The following DLGAP2 variants were observed in gnomAD, a reference collection of about 807,000 sequenced individuals.
The protein encoded by DLGAP2 is DLG associated protein 2, also known as disks large-associated protein 2.
A neutral mutation model predicts 100.3 loss-of-function variants in DLGAP2; 26 were observed. The observed-to-expected ratio is 0.26, with a 90% CI of 0.19 to 0.36. The LOEUF is 0.36. Ranked by LOEUF, DLGAP2 falls within the 10% of genes least tolerant of loss-of-function variation. The pLI, the probability that DLGAP2 is intolerant of heterozygous loss-of-function variation, is 1.00. For synonymous variants in DLGAP2, 886 were observed against 630.1 expected (o/e 1.41, Z -6.08); for missense variants, 1,858 against 1,453.2 (o/e 1.28, Z -4.53).
intron 2 of DLGAP2, among the ~76,000 whole-genome samples, chr8:997,996 C>T (rs1443839556): frequency 2.7e-5 from 4 of 150,100 alleles, no homozygotes; most frequent in Non-Finnish European, 5.9e-5. Flanking sequence ...AACACGTGCA[C>T]ACAAACATGC....
intron 2 of DLGAP2, among the ~76,000 whole-genome samples, chr8:1,027,612 G>A (rs1234774358): frequency 6.7e-5 from 10 of 148,930 alleles, no homozygotes; most frequent in Admixed American, 2.7e-4. Flanking sequence ...TTATTCTCCA[G>A]GTGGGGTGTC....
chr8:1,221,258 C>T (rs1215529298), intron 2 of DLGAP2, among the ~76,000 whole-genome samples: 1 of 152,158 alleles, frequency 6.6e-6, no homozygotes, highest in African/African-American at 2.4e-5. Context: ...CCATGTCTAC[C>T]AGTCCCTTTA....
chr8:1,587,830 C>T (rs1796170932), intron 6 of DLGAP2, among the ~76,000 whole-genome samples: 2 of 152,014 alleles, frequency 1.3e-5, no homozygotes, highest in Admixed American at 1.3e-4. Context: ...AAATAAAATA[C>T]CATGATTTTT....
intron 1 of DLGAP2, among the ~76,000 whole-genome samples, chr8:776,722 T>A (rs532929957): frequency 6.6e-6 from 1 of 152,356 alleles, no homozygotes; most frequent in Admixed American, 6.5e-5. Context: ...AGATAGTTTC[T>A]TATAATTTCT....
chr8:1,616,516 C>T (rs2977210), intron 6 of DLGAP2, among the ~76,000 whole-genome samples: 33,221 of 152,030 alleles, frequency 0.22, 4,494 homozygotes, highest in East Asian at 0.46. Flanking sequence ...AAACAGAAAC[C>T]AGAGGAATAA....
intron 3 of DLGAP2, among the ~76,000 whole-genome samples, chr8:1,392,620 A>T (rs1253311092): frequency 6.6e-6 from 1 of 152,286 alleles, no homozygotes; most frequent in South Asian, 2.1e-4. Context: ...CTGTGACCCT[A>T]CATGGTGTGG....
At position 1,076,587 on chromosome 8, in the gene DLGAP2, G is replaced by A. The variant is rs1285004821; in HGVS notation, c.73+168621G>A. On this transcript the variant is annotated intron_variant, in intron 2 of 14. Coordinates refer to ENST00000637795, the MANE Select transcript of DLGAP2 (RefSeq NM_001346810.2). ...CAGCCCCTCTCTTGAGCCGCCTTCCGTTTTCACTTGTGAATGACGTTAGAA... is the reference window on the plus strand; with the variant it reads ...CAGCCCCTCTCTTGAGCCGCCTTCCATTTTCACTTGTGAATGACGTTAGAA... Among the ~76,000 whole-genome samples the A allele has an allele frequency of 3.9e-5, 6 of 152,234 alleles. No homozygotes were observed. In the South Asian group the frequency reaches 8.3e-4, roughly 21 times the overall value.
chr8:1,164,686 A>T (rs545031849), intron 2 of DLGAP2, among the ~76,000 whole-genome samples: 1 of 152,120 alleles, frequency 6.6e-6, no homozygotes, highest in African/African-American at 2.4e-5. Flanking sequence ...CATTCTCTGG[A>T]TCTCCATCGT....
chr8:1,635,493 CAT>C (rs1797745436), intron 8 of DLGAP2, among the ~76,000 whole-genome samples: 1 of 152,236 alleles, frequency 6.6e-6, no homozygotes, highest in South Asian at 2.1e-4. Flanking sequence ...TCCATGTATA[CAT>C]GTGTGTATGT....
In DLGAP2 at chr8:856,187, T is replaced by TCTTCTTC. The variant is rs1554433991; in HGVS notation, c.19-51725_19-51724insCTTCTTC. ...AGTGGAAAAATCTTCTTCTTCTTCTTTTTTTTTTTTTTTTTTTTGAGATGG... is the reference window on the plus strand; with the variant it reads ...AGTGGAAAAATCTTCTTCTTCTTCTTCTTCTTCTTTTTTTTTTTTTTTTTTGAGATGG... On this transcript the variant is annotated intron_variant, in intron 1 of 14. Coordinates refer to ENST00000637795, the MANE Select transcript of DLGAP2 (RefSeq NM_001346810.2). 2.9e-3 allele frequency among the ~76,000 whole-genome samples: 149 copies of TCTTCTTC among 51,580 alleles called. 2 individuals carry two copies. The highest frequency in any genetic ancestry group is 3.7e-3 in the East Asian group (3 of 808). 33.8% of individuals were successfully genotyped at this position (51,580 alleles called of 152,430 possible). A position where few individuals can be genotyped will look rare whatever the true frequency, so the allele number is the denominator to read the frequency against.
At position 1,448,818 on chromosome 8, in the gene DLGAP2, G is replaced by A. The variant is rs1032552507; in HGVS notation, c.107-52548G>A. Among the ~76,000 whole-genome samples, 3 of 152,136 alleles carry A rather than the reference G, an allele frequency of 2.0e-5. No homozygotes were observed. The South Asian group carries it at 6.2e-4, about 31-fold the overall frequency. ...AATGCATGACATCAATCATTGCCCT[G>A]ATCCGGCCATGGAAAGATTTGGAGA... On this transcript the variant is annotated intron_variant, in intron 3 of 14. Coordinates refer to ENST00000637795, the MANE Select transcript of DLGAP2 (RefSeq NM_001346810.2).
intron 2 of DLGAP2, among the ~76,000 whole-genome samples, chr8:1,138,890 G>A (rs929487807): frequency 3.3e-5 from 5 of 151,798 alleles, no homozygotes; most frequent in African/African-American, 1.2e-4. Context: ...TGGCCTGTGC[G>A]GCTGGTGGGA....
chr8:1,279,318 T>C (rs777915340), intron 3 of DLGAP2, among the ~76,000 whole-genome samples: 6 of 152,216 alleles, frequency 3.9e-5, no homozygotes, highest in Non-Finnish European at 8.8e-5. Flanking sequence ...CAATAAAATT[T>C]TATAATTGCC....
chr8:1,378,446 A>G (rs1296527479), intron 3 of DLGAP2, among the ~76,000 whole-genome samples: 7 of 123,256 alleles, frequency 5.7e-5, no homozygotes, highest in East Asian at 5.6e-4. Flanking sequence ...TCACCTGTCC[A>G]TCCTGCGCAC....
chr8:1,080,685 C>G (rs1162255536), intron 2 of DLGAP2, among the ~76,000 whole-genome samples: 2 of 152,190 alleles, frequency 1.3e-5, no homozygotes, highest in Non-Finnish European at 2.9e-5. Flanking sequence ...CGGTAAAGGG[C>G]TGTTGAACAG....
chr8:1,025,327 T>G lies in DLGAP2; in HGVS notation c.73+117361T>G, dbSNP rs150934958. On this transcript the variant is annotated intron_variant, in intron 2 of 14. Coordinates refer to ENST00000637795, the MANE Select transcript of DLGAP2 (RefSeq NM_001346810.2). The stretch of plus-strand genomic sequence containing the variant: ...CTTCATGACGTGTCTGAAGATTGTT[T>G]TCAAGGCTGTTCTCTTGGTCTCTGT... 5.1e-4 allele frequency among the ~76,000 whole-genome samples: 78 copies of G among 152,292 alleles called. 2 individuals are homozygous for G. The highest frequency in any genetic ancestry group is 3.4e-3 in the Middle Eastern group (1 of 294).
chr8:1,321,719 T>G (rs893634269), intron 3 of DLGAP2, among the ~76,000 whole-genome samples: 1 of 152,224 alleles, frequency 6.6e-6, no homozygotes, highest in South Asian at 2.1e-4. Flanking sequence ...GAACTCGGCT[T>G]CCCCATTTAT....
chr8:950,635 T>C (rs1356519493), intron 2 of DLGAP2, among the ~76,000 whole-genome samples: 1 of 149,822 alleles, frequency 6.7e-6, no homozygotes, highest in Non-Finnish European at 1.5e-5. Context: ...TTTTTTTTTT[T>C]TTTTGAGATG....
intron 1 of DLGAP2, among the ~76,000 whole-genome samples, chr8:891,791 G>A (rs1177629009): frequency 2.0e-5 from 3 of 152,188 alleles, no homozygotes; most frequent in Non-Finnish European, 4.4e-5. Context: ...GACGGGGAGG[G>A]CCTGGGAGAG....
Sources: gnomAD v4.1 joint callset for allele counts (sites outside exome capture counted in the v4.1 genomes callset) on GRCh38, gnomAD v4.1.1 for gene constraint, MANE v1.5 for transcripts, NCBI Gene and HGNC (gene_info 2026-07-23, HGNC 2026-07-21) for gene names.